Variants in TLR6 observed in about 807,000 individuals in gnomAD.
TLR6 encodes the protein toll like receptor 6, also known as toll-like receptor 6.
TLR6 carries 9 observed loss-of-function variants against 16.1 expected under a neutral mutation model. The ratio of observed to expected loss-of-function variants is 0.56; its 90% CI spans 0.34 to 0.98. The LOEUF (loss-of-function observed/expected upper bound fraction) is 0.98, where lower values mean the gene tolerates loss of function less well. Ranked by LOEUF, TLR6 falls within the 50% of genes least tolerant of loss-of-function variation. The pLI is 0.02. For missense variants in TLR6, 786 were observed against 921.0 expected, an observed-to-expected ratio of 0.85 and a Z score of 1.90; for synonymous variants, 340 against 338.6, an observed-to-expected ratio of 1.00 and a Z score of -0.04.
chr4:38,853,468 A>G (rs1161011227), intron 1 of TLR6, among the ~76,000 whole-genome samples: 1 of 152,200 alleles, frequency 6.6e-6, no homozygotes. Context: ...AAATACTGAA[A>G]TGAAGAAAGA....
upstream of TLR6, among the ~76,000 whole-genome samples, chr4:38,859,517 G>A (rs1398071651): frequency 1.3e-5 from 2 of 150,056 alleles, no homozygotes; most frequent in African/African-American, 2.5e-5. Context: ...AGATACATAA[G>A]AAATGTTCAC....
Position 38,829,522 on chromosome 4 carries a change from G to C in TLR6, c.-49C>G, listed in dbSNP as rs767751509. The C allele has an allele frequency of 2.3e-5, 26 of 1,108,582 alleles. No homozygotes were observed. Among genetic ancestry groups the C allele is most frequent in the Non-Finnish European group, 3.4e-5 (26 of 759,432 alleles). The allele number at this position is 1,108,582 out of a possible 1,614,324, so 68.7% of individuals were successfully genotyped here. A position where few individuals can be genotyped will look rare whatever the true frequency, so the allele number is the denominator to read the frequency against. On this transcript the variant is annotated 5_prime_UTR_variant, in exon 2 of 2. The change creates a new upstream start codon in the 5' untranslated region. Transcript: ENST00000436693. ...GGGTTGTTCTTCTTCAGAGCATCTT[G>C]ATATGAGTCCAAATTCTAGAAATAT...
At chr4:38,855,094 C>A (rs934427466) in intron 1 of TLR6, among the ~76,000 whole-genome samples, 21 of 151,942 alleles carry the variant, frequency 1.4e-4, no homozygotes, top group Admixed American at 5.2e-4. Context: ...CGCCTGTAGT[C>A]CCAGCTACTC....
intron 1 of TLR6, among the ~76,000 whole-genome samples, chr4:38,835,570 G>A (rs570690647): frequency 8.1e-4 from 123 of 152,276 alleles, no homozygotes; most frequent in African/African-American, 2.9e-3. Context: ...CATTTAGACA[G>A]AATATCAGCA....
intron 1 of TLR6, among the ~76,000 whole-genome samples, chr4:38,851,618 G>A (rs1712777276): frequency 6.6e-6 from 1 of 152,158 alleles, no homozygotes. Context: ...GCCAAATCAT[G>A]AGTGGACTCC....
At chr4:38,848,203 CA>C (rs1342091594) in intron 1 of TLR6, among the ~76,000 whole-genome samples, 1 of 152,246 alleles carries the variant, frequency 6.6e-6, no homozygotes, top group Non-Finnish European at 1.5e-5. Flanking sequence ...CAAACTCCAA[CA>C]GACCTGCAGC....
chr4:38,832,670 A>G (rs1278251262), intron 1 of TLR6, among the ~76,000 whole-genome samples: 1 of 151,950 alleles, frequency 6.6e-6, no homozygotes, highest in African/African-American at 2.4e-5. Flanking sequence ...GAATCTCCAC[A>G]CCCCTGAAGC....
At chr4:38,837,750 C>G (rs1405558788) in intron 1 of TLR6, among the ~76,000 whole-genome samples, 4 of 152,000 alleles carry the variant, frequency 2.6e-5, no homozygotes, top group Admixed American at 6.5e-5. Flanking sequence ...ACAAATGGGA[C>G]TACATTAAAC....
At chr4:38,846,217 A>C (rs992507750) in intron 1 of TLR6, among the ~76,000 whole-genome samples, 4 of 152,226 alleles carry the variant, frequency 2.6e-5, no homozygotes, top group African/African-American at 9.6e-5. Flanking sequence ...ACAGTTGCAC[A>C]ATCAAGAAGC....
chr4:38,852,128 G>A (rs1412638062), intron 1 of TLR6, among the ~76,000 whole-genome samples: 1 of 152,130 alleles, frequency 6.6e-6, no homozygotes, highest in Admixed American at 6.5e-5. Flanking sequence ...AAGAAATAGG[G>A]AAAGGATTCC....
chr4:38,864,063 A>T, the TLR6 span, among the ~76,000 whole-genome samples: 1 of 152,190 alleles, frequency 6.6e-6, no homozygotes, highest in African/African-American at 2.4e-5. Context: ...CTGTCTACAG[A>T]TATGGCCACT....
chr4:38,836,175 A>G (rs1046461133), intron 1 of TLR6, among the ~76,000 whole-genome samples: 85 of 152,118 alleles, frequency 5.6e-4, no homozygotes, highest in Admixed American at 2.2e-3. Context: ...AGAAAAGATC[A>G]ATAAAACAAA....
chr4:38,859,634 A>G (rs1713153988), upstream of TLR6, among the ~76,000 whole-genome samples: 1 of 144,578 alleles, frequency 6.9e-6, no homozygotes, highest in Non-Finnish European at 1.5e-5. Context: ...GCGTGATCAC[A>G]GCTCACTGCA....
At chr4:38,838,856 T>C (rs2109438608) in intron 1 of TLR6, among the ~76,000 whole-genome samples, 1 of 143,626 alleles carries the variant, frequency 7.0e-6, no homozygotes, top group East Asian at 2.0e-4. Context: ...CCCATAAATA[T>C]GTATAATTAT....
At chr4:38,827,094 C>A in exon 2 of TLR6, 1 of 1,577,996 alleles carries the variant, frequency 6.3e-7, no homozygotes, top group South Asian at 1.2e-5. Context: ...TAAGATTTCA[C>A]ATCATTGTTT....
At chr4:38,866,351 G>A in the TLR6 span, among the ~76,000 whole-genome samples, 1 of 151,296 alleles carries the variant, frequency 6.6e-6, no homozygotes, top group African/African-American at 2.4e-5. Flanking sequence ...AAATTAGCCG[G>A]GTGTGGTGGC....
At position 38,846,172 on chromosome 4, in the gene TLR6, T is replaced by C. The variant is rs958402383; in HGVS notation, c.-65+10589A>G. Among the ~76,000 whole-genome samples the C allele has an allele frequency of 2.7e-5, 4 of 146,212 alleles. No homozygotes were observed. The East Asian group carries it at 8.1e-4, about 30-fold the overall frequency. On this transcript the variant is annotated intron_variant, in intron 1 of 1. Coordinates refer to ENST00000436693, the Ensembl canonical transcript of TLR6. ...CATCCCAACAAGCAGGCTATGAAAATAGATCAACAAGCACTCTCACAAGAA... is the reference window on the plus strand; with the variant it reads ...CATCCCAACAAGCAGGCTATGAAAACAGATCAACAAGCACTCTCACAAGAA...
chr4:38,837,768 T>G (rs542951942), intron 1 of TLR6, among the ~76,000 whole-genome samples: 4 of 152,216 alleles, frequency 2.6e-5, no homozygotes, highest in African/African-American at 9.6e-5. Context: ...AACTAAAAAC[T>G]TCTACACAGC....
exon 2 of TLR6, chr4:38,826,404 C>T (rs181471893): frequency 3.3e-5 from 5 of 152,258 alleles, no homozygotes; most frequent in African/African-American, 9.6e-5. Flanking sequence ...CCAGAAAAGT[C>T]CCATTCAATA....
Sources: gnomAD v4.1 joint callset for allele counts (sites outside exome capture counted in the v4.1 genomes callset) on GRCh38, gnomAD v4.1.1 for gene constraint, MANE v1.5 for transcripts, NCBI Gene and HGNC (gene_info 2026-07-23, HGNC 2026-07-21) for gene names.